MPI: variants seen among roughly 807,000 people sequenced by gnomAD.
MPI encodes mannose-6-phosphate isomerase.
In MPI, 33 loss-of-function variants were observed where a neutral mutation model predicts 40.1. The observed-to-expected ratio is 0.82, with a 90% CI of 0.62 to 1.10. MPI has a LOEUF of 1.10. Among genes scored for constraint, MPI ranks in the 50% least tolerant of loss-of-function variants. MPI has a pLI of 0.00. For synonymous variants in MPI, 187 were observed against 207.4 expected, an observed-to-expected ratio of 0.90 and a Z score of 0.85; for missense variants, 514 against 524.1, an observed-to-expected ratio of 0.98 and a Z score of 0.19.
chr15:74,893,268 G>A lies in MPI; in HGVS notation c.618G>A (p.Lys206=), dbSNP rs777538825. Residue 206 remains lysine, a synonymous_variant, in exon 5 of 8, where the codon AAG becomes AAA. Transcript: ENST00000352410. ...SCFSHLMKSE[K]KVVVEQLNLL... is the part of the protein sequence containing the mutation. ...TCTCCCACCTGATGAAGAGTGAGAA[G>A]AAGGTGGTGGTGGAACAGCTCAACC... 2 of 1,614,234 alleles carry A rather than the reference G, an allele frequency of 1.2e-6. No homozygotes were observed. The highest frequency in any genetic ancestry group is 1.7e-6 in the Non-Finnish European group (2 of 1,180,034).
intron 3 of MPI, among the ~76,000 whole-genome samples, chr15:74,892,316 AAAGT>A (rs1399817178): frequency 1.3e-5 from 2 of 152,194 alleles, no homozygotes; most frequent in African/African-American, 4.8e-5. Context: ...CTAGATACAC[AAAGT>A]AAGACCCAGA....
chr15:74,890,882 T>C (rs1596441408), intron 2 of MPI: 5 of 668,358 alleles, frequency 7.5e-6, no homozygotes, highest in Non-Finnish European at 1.1e-5. Flanking sequence ...TAGCACTTAG[T>C]GAATTTTAAT....
chr15:74,892,271 C>T (rs775240765), intron 3 of MPI, among the ~76,000 whole-genome samples: 143 of 152,282 alleles, frequency 9.4e-4, no homozygotes, highest in Non-Finnish European at 1.5e-3. Flanking sequence ...GGATTACAGG[C>T]GTGAGCCACC....
chr15:74,900,806 A>G lies in MPI; in HGVS notation c.*3076A>G, dbSNP rs2064923922. The G allele has an allele frequency of 6.6e-6, 1 of 152,212 alleles. No individual in the cohort carries two copies. The highest frequency in any genetic ancestry group is 2.1e-4 in the South Asian group (1 of 4,838). 9.4% of individuals were successfully genotyped at this position (152,212 alleles called of 1,614,324 possible). ...CTGGCATGACTCTGGTCTCTGTCCT[A>G]TCTCTCTGCTGTGATGCTCCTAGCT... On this transcript the variant is annotated 3_prime_UTR_variant, in exon 8 of 8. Transcript: ENST00000352410.
At chr15:74,893,427 T>C (rs1239395322) in intron 5 of MPI, 107 bp downstream of exon 5, 13 of 1,313,110 alleles carry the variant, frequency 9.9e-6, no homozygotes, top group Non-Finnish European at 1.4e-5. Flanking sequence ...AGTGGAACAC[T>C]AAAAGGGGCC....
In MPI at chr15:74,897,581, G is replaced by C. The variant is rs148707185; in HGVS notation, c.1123G>C (p.Gly375Arg). Residue 375 changes from glycine (G) to arginine (R), a missense_variant, in exon 8 of 8, where the codon GGG becomes CGG. Gly to Arg is a moderately radical substitution (Grantham distance 125, BLOSUM62 -2). Coordinates refer to ENST00000352410, the MANE Select transcript of MPI (RefSeq NM_002435.3). ...DSASILLMVQ[G>R]TVIASTPTTQ... ...TGCCAGCATCCTCCTGATGGTACAG[G>C]GGACAGTAATAGCCAGCACACCCAC... is the stretch of plus-strand genomic sequence containing the variant. 14 of 1,614,048 alleles carry C rather than the reference G, an allele frequency of 8.7e-6. No individual in the cohort carries two copies. Among genetic ancestry groups the C allele is most frequent in the Admixed American group, 1.7e-5 (1 of 59,994 alleles).
Position 74,891,186 on chromosome 15 carries a change from G to A in MPI, c.145-193G>A, listed in dbSNP as rs182941807. ...AAGTCTTCATAGATGGCTAGAGGCCGAGTCTGGACAAGGGCCTGGGTCTAC... is the reference window on the plus strand; with the variant it reads ...AAGTCTTCATAGATGGCTAGAGGCCAAGTCTGGACAAGGGCCTGGGTCTAC... On this transcript the variant is annotated intron_variant, in intron 2 of 7. Transcript: ENST00000352410. 7.3e-4 allele frequency among the ~76,000 whole-genome samples: 111 copies of A among 152,360 alleles called. 1 individual carries two copies. Among genetic ancestry groups the A allele is most frequent in the Admixed American group, 6.8e-3 (104 of 15,306 alleles).
chr15:74,896,787 C>T (rs1455898830), intron 6 of MPI: 3 of 637,904 alleles, frequency 4.7e-6, no homozygotes, highest in East Asian at 5.4e-5. Flanking sequence ...AGAGTTGGGG[C>T]TCCCCAACCC....
intron 6 of MPI, 36 bp from the exon 7 acceptor site, chr15:74,896,975 C>T: frequency 1.2e-6 from 2 of 1,600,254 alleles, no homozygotes; most frequent in South Asian, 1.1e-5. Flanking sequence ...CTAAGGCATA[C>T]TTCATCAGCT....
chr15:74,890,237 G>T, intron 1 of MPI, 148 bp downstream of exon 1: 3 of 1,178,436 alleles, frequency 2.5e-6, no homozygotes, highest in South Asian at 1.3e-5. Flanking sequence ...ACCTGCGATG[G>T]GGATTGACCT....
At chr15:74,895,895 C>T in intron 5 of MPI, 1 of 528,494 alleles carries the variant, frequency 1.9e-6, no homozygotes, top group South Asian at 2.1e-5. Context: ...GGACCATACT[C>T]TAGCTCTTTT....
chr15:74,894,453 G>T (rs918972856), intron 5 of MPI, among the ~76,000 whole-genome samples: 35 of 151,750 alleles, frequency 2.3e-4, no homozygotes, highest in Admixed American at 6.6e-5. Flanking sequence ...ACTTTGGGAG[G>T]TTGAGGCGGC....
rs546455756 is a variant in MPI, at chr15:74,898,114, G to A, written c.*384G>A. On this transcript the variant is annotated 3_prime_UTR_variant, in exon 8 of 8. Transcript: ENST00000352410. ...TAATTTCTAAGAACAGGGTTCTAGC[G>A]ATGGGACTGCCCATTTCCTCAGCTG... 5.5e-6 allele frequency: 2 copies of A among 362,826 alleles called. No homozygotes were observed. The highest frequency in any genetic ancestry group is 2.1e-5 in the African/African-American group (1 of 47,270). The allele number at this position is 362,826 out of a possible 1,614,324, so 22.5% of individuals were successfully genotyped here. A position where few individuals can be genotyped will look rare whatever the true frequency, so the allele number is the denominator to read the frequency against.
At chr15:74,895,836 C>T (rs2064809575) in intron 5 of MPI, 1 of 392,798 alleles carries the variant, frequency 2.5e-6, no homozygotes, top group Non-Finnish European at 4.8e-6. Flanking sequence ...TAAAGAATTA[C>T]CTAGCCCAAA....
Position 74,897,636 on chromosome 15 carries a change from G to C in MPI, c.1178G>C (p.Gly393Ala), listed in dbSNP as rs201815588. 52 of 1,614,212 alleles carry C rather than the reference G, an allele frequency of 3.2e-5. No homozygotes were observed. The Admixed American group carries it at 8.5e-4, about 26-fold the overall frequency. Residue 393 changes from glycine (G) to alanine (A), a missense_variant, in exon 8 of 8, where the codon GGT becomes GCT. Physicochemically the swap from Gly to Ala is moderately conservative, Grantham distance 60. Coordinates refer to ENST00000352410, the MANE Select transcript of MPI (RefSeq NM_002435.3). ...TTQTPIPLQR[G>A]GVLFIGANES... ...CAGACACCAATCCCTCTGCAACGTG[G>C]TGGCGTGCTCTTCATTGGGGCCAAT...
At chr15:74,892,541 G>T in intron 3 of MPI, 120 bp from the exon 4 acceptor site, 1 of 1,410,590 alleles carries the variant, frequency 7.1e-7, no homozygotes, top group Admixed American at 1.8e-5. Context: ...GCCAGAGGTA[G>T]GTAGTCACTG....
At chr15:74,894,107 T>TGTGTGTGAGCCAG (rs1555478772) in intron 5 of MPI, among the ~76,000 whole-genome samples, 2 of 60,948 alleles carry the variant, frequency 3.3e-5, no homozygotes, top group Non-Finnish European at 9.3e-5. Context: ...TGTGTGTGTG[T>TGTGTGTGAGCCAG]GGTCTCTTTC....
At position 74,891,665 on chromosome 15, in the gene MPI, C is replaced by A. The variant is rs548244482; in HGVS notation, c.345+86C>A. The A allele has an allele frequency of 2.1e-5, 30 of 1,447,008 alleles. No homozygotes were observed. In the South Asian group the frequency reaches 2.3e-4, roughly 11 times the overall value. The allele number at this position is 1,447,008 out of a possible 1,614,324, so 89.6% of individuals were successfully genotyped here. Reference sequence around the variant, plus strand: ...CGTGACTTTTACTGCCACTTTTACCCCACCCATGCCAGGCTCCTGCCCAAG... The same window carrying A: ...CGTGACTTTTACTGCCACTTTTACCACACCCATGCCAGGCTCCTGCCCAAG... On this transcript the variant is annotated intron_variant, in intron 3 of 7. Coordinates refer to ENST00000352410, the MANE Select transcript of MPI (RefSeq NM_002435.3).
rs765912695 is a variant in MPI at position 74,896,176 on chromosome 15, A to T, written c.695A>T (p.Asp232Val). Residue 232 changes from aspartate to valine, a missense_variant, in exon 6 of 8, where the codon GAC becomes GTC. Coordinates refer to ENST00000352410, the MANE Select transcript of MPI (RefSeq NM_002435.3). Reference protein sequence around the residue: ...QQAAAGNNMEDIFGELLLQLH... With the variant: ...QQAAAGNNMEVIFGELLLQLH... ...GCGGCTGCCGGAAACAACATGGAGG[A>T]CATCTTTGGGGAGCTTTTGCTACAG... is the stretch of plus-strand genomic sequence containing the variant. 1.2e-6 allele frequency: 2 copies of T among 1,613,950 alleles called. No homozygotes were observed. Among genetic ancestry groups the T allele is most frequent in the Non-Finnish European group, 8.5e-7 (1 of 1,180,012 alleles).
Sources: allele counts gnomAD v4.1 joint callset (sites outside exome capture counted in the v4.1 genomes callset), GRCh38; gene constraint gnomAD v4.1.1; transcripts MANE v1.5; gene names NCBI Gene and HGNC (gene_info 2026-07-23, HGNC 2026-07-21).